Variants in ITGAE observed in about 807,000 individuals in gnomAD.
ITGAE encodes the protein integrin alpha-E.
ITGAE carries 99 observed loss-of-function variants against 136.5 expected under a neutral mutation model. That is an observed-to-expected ratio of 0.73 (90% CI 0.62 to 0.86). ITGAE has a LOEUF of 0.86. Among genes scored for constraint, ITGAE ranks in the 40% least tolerant of loss-of-function variants. The pLI is 0.00. For missense variants in ITGAE, 1,447 were observed against 1,515.3 expected (o/e 0.95, Z 0.75); for synonymous variants, 613 against 591.8 (o/e 1.04, Z -0.52).
At chr17:3,724,633 T>C in intron 26 of ITGAE, 1 of 1,614,192 alleles carries the variant, frequency 6.2e-7, no homozygotes, top group East Asian at 2.2e-5. Context: ...GACACCAGGA[T>C]GGTCCACCAA....
rs1181471183 is a variant in ITGAE at position 3,751,825 on chromosome 17, G to A, written c.1718C>T (p.Thr573Ile). 3.7e-6 allele frequency: 6 copies of A among 1,614,004 alleles called. No individual in the cohort carries two copies. The highest frequency in any genetic ancestry group is 5.1e-6 in the Non-Finnish European group (6 of 1,179,996). ...ARILSGHPGF[T>I]NARFGFAMAA... Reference sequence around the variant, plus strand: ...CATGGCAAAGCCAAAGCGGGCATTGGTGAACCCGGGGTGCCCACTCAGTAT... The same window carrying A: ...CATGGCAAAGCCAAAGCGGGCATTGATGAACCCGGGGTGCCCACTCAGTAT... Residue 573 changes from threonine (T) to isoleucine (I), a missense_variant, in exon 15 of 31, where the codon ACC becomes ATC. By Grantham distance (89) the Thr-to-Ile change is moderately conservative. Coordinates refer to ENST00000263087, the MANE Select transcript of ITGAE (RefSeq NM_002208.5).
Position 3,764,584 on chromosome 17 carries a change from C to T in ITGAE, c.156-624G>A, listed in dbSNP as rs182487255. On this transcript the variant is annotated intron_variant, in intron 2 of 30. Transcript: ENST00000263087. ...TGGTGGCGTGTGCCTGTAGTCCCAG[C>T]TACTCAGGAGGCTGAGGCAGGAGAA... Among the ~76,000 whole-genome samples, 31 of 152,286 alleles carry T rather than the reference C, an allele frequency of 2.0e-4. No individual in the cohort carries two copies. The East Asian group carries it at 5.6e-3, about 27-fold the overall frequency.
chr17:3,780,577 C>T (rs1045174993), intron 1 of ITGAE, among the ~76,000 whole-genome samples: 1 of 152,128 alleles, frequency 6.6e-6, no homozygotes, highest in East Asian at 1.9e-4. Context: ...GGATTACAGG[C>T]GTGAGCCACT....
In ITGAE at chr17:3,756,947, G is replaced by A. The variant is rs200793251; in HGVS notation, c.1171+37C>T. On this transcript the variant is annotated intron_variant, in intron 10 of 30. Coordinates refer to ENST00000263087, the MANE Select transcript of ITGAE (RefSeq NM_002208.5). ...AGAGGCCGGGCTGGAGCATAGGCTC[G>A]GGCCTCCTGCGGTGGCCTGGGTCCC... 1.0e-5 allele frequency: 16 copies of A among 1,556,760 alleles called. No individual in the cohort carries two copies. In the African/African-American group the frequency reaches 1.1e-4, roughly 11 times the overall value.
intron 1 of ITGAE, chr17:3,784,218 C>T: frequency 7.9e-6 from 2 of 254,112 alleles, no homozygotes; most frequent in Non-Finnish European, 7.5e-6. Context: ...CGAGATTGCG[C>T]CACTGCACTC....
intron 2 of ITGAE, among the ~76,000 whole-genome samples, chr17:3,768,595 A>G (rs1326699609): frequency 6.6e-6 from 1 of 152,064 alleles, no homozygotes; most frequent in Non-Finnish European, 1.5e-5. Flanking sequence ...TCCTATTCCC[A>G]GAGCCCTCAC....
At chr17:3,786,445 AT>A (rs1221582622) in intron 1 of ITGAE, among the ~76,000 whole-genome samples, 15 of 152,292 alleles carry the variant, frequency 9.8e-5, no homozygotes, top group African/African-American at 3.6e-4. Context: ...ATGAGAAAAC[AT>A]TTTTCAGTCA....
In ITGAE at chr17:3,753,792, C is replaced by T. The variant is rs2051931004; in HGVS notation, c.1518G>A (p.Glu506=). The T allele has an allele frequency of 1.2e-6, 2 of 1,614,196 alleles. No individual in the cohort carries two copies. Among genetic ancestry groups the T allele is most frequent in the Non-Finnish European group, 1.7e-6 (2 of 1,180,030 alleles). ...TTTCCCCAGCAGGTACCTGCTCTCC[C>T]TCCAGCACTGGCAGGAAGCTGGCCT... ...GREASFLPVL[E]GEQMGSYFGS... The change falls in exon 13 of 31, where the codon GAG becomes GAA. Residue 506 remains glutamate, a synonymous_variant. Transcript: ENST00000263087.
intron 1 of ITGAE, among the ~76,000 whole-genome samples, chr17:3,797,898 A>G (rs1320567616): frequency 6.6e-6 from 1 of 152,098 alleles, no homozygotes; most frequent in African/African-American, 2.4e-5. Context: ...CTAACACACA[A>G]CATACAATTC....
At chr17:3,746,052 T>G in intron 17 of ITGAE, 125 bp from the exon 18 acceptor site, 2 of 824,866 alleles carry the variant, frequency 2.4e-6, no homozygotes, top group Non-Finnish European at 3.8e-6. Context: ...GGTACTTCCC[T>G]GCGGCTGGAC....
intron 2 of ITGAE, among the ~76,000 whole-genome samples, chr17:3,774,734 C>T (rs2052502062): frequency 6.6e-6 from 1 of 152,206 alleles, no homozygotes; most frequent in African/African-American, 2.4e-5. Flanking sequence ...CACTGCACTC[C>T]AGCCTGGGTG....
At chr17:3,727,330 C>T (rs2051237051) in intron 26 of ITGAE, among the ~76,000 whole-genome samples, 1 of 151,858 alleles carries the variant, frequency 6.6e-6, no homozygotes, top group South Asian at 2.1e-4. Context: ...TTACATCGCT[C>T]ACACAGAGAA....
chr17:3,737,455 G>A (rs912444711), intron 20 of ITGAE, among the ~76,000 whole-genome samples: 4 of 144,680 alleles, frequency 2.8e-5, no homozygotes, highest in Non-Finnish European at 5.9e-5. Context: ...CGGTGGCTGA[G>A]TGGTGCCGGT....
At chr17:3,778,467 G>A (rs1324787853) in intron 1 of ITGAE, among the ~76,000 whole-genome samples, 3 of 152,178 alleles carry the variant, frequency 2.0e-5, no homozygotes, top group Non-Finnish European at 4.4e-5. Flanking sequence ...GAAGGCTGAG[G>A]CAGGAGAATT....
At chr17:3,786,137 A>T (rs1017388075) in intron 1 of ITGAE, among the ~76,000 whole-genome samples, 2 of 149,444 alleles carry the variant, frequency 1.3e-5, no homozygotes, top group Admixed American at 1.3e-4. Context: ...ACTGCACTCC[A>T]GCCTGGGTGA....
intron 1 of ITGAE, among the ~76,000 whole-genome samples, chr17:3,797,975 C>T (rs947856716): frequency 3.3e-5 from 5 of 152,216 alleles, no homozygotes; most frequent in African/African-American, 1.2e-4. Flanking sequence ...CAAGCTCCCC[C>T]AGGCCGGCAC....
At chr17:3,797,155 ATATTTTTTTTTTTTTTT>A (rs1415512081) in intron 1 of ITGAE, among the ~76,000 whole-genome samples, 3 of 24,032 alleles carry the variant, frequency 1.2e-4, no homozygotes, top group East Asian at 5.1e-4. Context: ...ATATATATAT[ATATTTTTTTTTTTTTTT>A]TTTTTTTTTT....
intron 23 of ITGAE, among the ~76,000 whole-genome samples, chr17:3,730,821 C>G (rs1391282872): frequency 6.6e-6 from 1 of 152,224 alleles, no homozygotes; most frequent in Non-Finnish European, 1.5e-5. Flanking sequence ...CTATCCCAAG[C>G]TATTCCAAAG....
intron 26 of ITGAE, chr17:3,723,979 CA>C (rs1212389461): frequency 6.3e-7 from 1 of 1,592,046 alleles, no homozygotes; most frequent in African/African-American, 1.4e-5. Flanking sequence ...CTTTTCCGCA[CA>C]TATGGGGCTG....
Sources: gnomAD v4.1 joint callset for allele counts (sites outside exome capture counted in the v4.1 genomes callset) on GRCh38, gnomAD v4.1.1 for gene constraint, MANE v1.5 for transcripts, NCBI Gene and HGNC (gene_info 2026-07-23, HGNC 2026-07-21) for gene names.